The following CENPP variants were observed in gnomAD, a reference collection of about 807,000 sequenced individuals.
CENPP encodes centromere protein P.
Under a neutral mutation model 35.6 loss-of-function variants are expected in CENPP, and 24 were observed. The ratio of observed to expected loss-of-function variants is 0.67; its 90% CI spans 0.49 to 0.95. The LOEUF is 0.95. Ranked by LOEUF, CENPP falls within the 40% of genes least tolerant of loss-of-function variation. The probability of loss-of-function intolerance (pLI) is 0.00; values close to 1 mark genes in which losing one functional copy is unlikely to be tolerated. For missense variants in CENPP, 332 were observed against 345.3 expected, an observed-to-expected ratio of 0.96 and a Z score of 0.31; for synonymous variants, 120 against 125.5, an observed-to-expected ratio of 0.96 and a Z score of 0.29.
intron 5 of CENPP, among the ~76,000 whole-genome samples, chr9:92,562,143 C>T (rs1849860990): frequency 2.0e-5 from 3 of 152,002 alleles, no homozygotes; most frequent in Non-Finnish European, 2.9e-5. Context: ...GGCCACTTGC[C>T]TCACAGTGAG....
rs77470551 is a variant in CENPP, at chr9:92,586,823, G to C, written c.565-24491G>C. On this transcript the variant is annotated intron_variant, in intron 5 of 7. Transcript: ENST00000375587. ...GGAATACAGTCTGTGCAAATGGTTT[G>C]GAAAAGTTGTTAAGCAGACAACTGC... Among the ~76,000 whole-genome samples, 304 of 152,258 alleles carry C rather than the reference G, an allele frequency of 2.0e-3. 1 individual carries two copies. The highest frequency in any genetic ancestry group is 3.4e-3 in the Non-Finnish European group (228 of 68,028).
At chr9:92,592,058 AAT>A (rs971082478) in intron 5 of CENPP, among the ~76,000 whole-genome samples, 8 of 152,146 alleles carry the variant, frequency 5.3e-5, no homozygotes, top group African/African-American at 1.9e-4. Context: ...TATAAAAAAA[AAT>A]AGACATACAG....
At chr9:92,527,262 C>T (rs1236910798) in intron 5 of CENPP, among the ~76,000 whole-genome samples, 1 of 152,182 alleles carries the variant, frequency 6.6e-6, no homozygotes, top group East Asian at 1.9e-4. Flanking sequence ...TCACCCACCT[C>T]AGCCTCACAA....
intron 5 of CENPP, among the ~76,000 whole-genome samples, chr9:92,430,977 G>T (rs868610059): frequency 6.6e-6 from 1 of 151,966 alleles, no homozygotes; most frequent in African/African-American, 2.4e-5. Flanking sequence ...TGTATTTTTA[G>T]TAGAGACAGG....
intron 5 of CENPP, among the ~76,000 whole-genome samples, chr9:92,584,501 A>T (rs1014951419): frequency 3.9e-5 from 6 of 152,144 alleles, no homozygotes; most frequent in Non-Finnish European, 8.8e-5. Context: ...GGTATGCGTC[A>T]CCATGCCTGG....
At chr9:92,571,330 G>A (rs1168751647) in intron 5 of CENPP, among the ~76,000 whole-genome samples, 3 of 152,036 alleles carry the variant, frequency 2.0e-5, no homozygotes, top group Admixed American at 6.6e-5. Context: ...CCTTCATTTC[G>A]TTATGTACCC....
chr9:92,347,599 G>A (rs1186941246), intron 4 of CENPP, among the ~76,000 whole-genome samples: 1 of 152,028 alleles, frequency 6.6e-6, no homozygotes, highest in African/African-American at 2.4e-5. Flanking sequence ...TTTATTTTTA[G>A]TTTTTCATTA....
intron 5 of CENPP, chr9:92,495,771 A>G: frequency 1.1e-6 from 1 of 946,048 alleles, no homozygotes; most frequent in Non-Finnish European, 1.3e-6. Flanking sequence ...TACACATGTA[A>G]TTAATGGAAG....
chr9:92,392,381 T>C (rs549582573), intron 5 of CENPP, among the ~76,000 whole-genome samples: 4 of 152,282 alleles, frequency 2.6e-5, no homozygotes, highest in Non-Finnish European at 5.9e-5. Context: ...CCCAGCACTT[T>C]GGGAGGCCGA....
At chr9:92,566,273 G>A (rs1311626194) in intron 5 of CENPP, among the ~76,000 whole-genome samples, 2 of 150,906 alleles carry the variant, frequency 1.3e-5, no homozygotes, top group Non-Finnish European at 3.0e-5. Flanking sequence ...GCACTCCAGC[G>A]TGGGCGACAG....
chr9:92,571,472 C>CA lies in CENPP; in HGVS notation c.565-39841dup, dbSNP rs1156321699. On this transcript the variant is annotated intron_variant, in intron 5 of 7. Transcript: ENST00000375587. ...GTTTGTTATAATTTCTGTTCTTTTACATTTGCTTAGGAGTGCTTTACTTCC... is the reference window on the plus strand; with the variant it reads ...GTTTGTTATAATTTCTGTTCTTTTACAATTTGCTTAGGAGTGCTTTACTTCC... Among the ~76,000 whole-genome samples, 4 of 152,288 alleles carry CA rather than the reference C, an allele frequency of 2.6e-5. No individual in the cohort carries two copies. The East Asian group carries it at 7.7e-4, about 29-fold the overall frequency.
At chr9:92,366,111 C>A (rs1017008451) in intron 4 of CENPP, among the ~76,000 whole-genome samples, 1 of 137,872 alleles carries the variant, frequency 7.3e-6, no homozygotes, top group Non-Finnish European at 1.5e-5. Context: ...ACCTGGGAGG[C>A]GGAGCTGGCA....
At chr9:92,470,705 G>T in intron 5 of CENPP, 1 of 1,587,218 alleles carries the variant, frequency 6.3e-7, no homozygotes. Context: ...CATTTTCTTT[G>T]ATTTCCTTAA....
At chr9:92,605,592 C>G (rs1383420133) in intron 5 of CENPP, among the ~76,000 whole-genome samples, 5 of 152,106 alleles carry the variant, frequency 3.3e-5, no homozygotes, top group African/African-American at 1.2e-4. Flanking sequence ...ACTGGATATT[C>G]ACAGACAAAA....
chr9:92,456,470 C>T (rs1844882111), intron 5 of CENPP: 1 of 152,440 alleles, frequency 6.6e-6, no homozygotes, highest in Non-Finnish European at 1.5e-5. Flanking sequence ...AGGGATATCT[C>T]AAAAATATTC....
chr9:92,361,691 A>T (rs572653366), intron 4 of CENPP, among the ~76,000 whole-genome samples: 1 of 151,814 alleles, frequency 6.6e-6, no homozygotes, highest in African/African-American at 2.4e-5. Context: ...CATGCTGGCC[A>T]GGCTGGTCTC....
chr9:92,417,925 G>A (rs993581312), intron 5 of CENPP, among the ~76,000 whole-genome samples: 5 of 151,708 alleles, frequency 3.3e-5, no homozygotes, highest in Non-Finnish European at 7.4e-5. Context: ...ACAAGGTTTC[G>A]TTGTGTTGCC....
chr9:92,496,424 T>C, intron 5 of CENPP: 1 of 1,609,870 alleles, frequency 6.2e-7, no homozygotes. Flanking sequence ...AAGATGAAGA[T>C]GTTCCAGATT....
intron 5 of CENPP, chr9:92,417,516 C>CA (rs766963068): frequency 1.5e-5 from 24 of 1,601,490 alleles, no homozygotes; most frequent in Non-Finnish European, 2.0e-5. Context: ...ACTTTGACTC[C>CA]AAAAAAGAAG....
Sources: allele counts gnomAD v4.1 joint callset (sites outside exome capture counted in the v4.1 genomes callset), GRCh38; gene constraint gnomAD v4.1.1; transcripts MANE v1.5; gene names NCBI Gene and HGNC (gene_info 2026-07-23, HGNC 2026-07-21).